PCDH15: variants seen among roughly 807,000 people sequenced by gnomAD.
The protein encoded by PCDH15 is protocadherin-15.
In PCDH15, 129 loss-of-function variants were observed where a neutral mutation model predicts 178.5. That is an observed-to-expected ratio of 0.72 (90% CI 0.63 to 0.84). The LOEUF is 0.84. PCDH15 is among the 40% of genes least tolerant of loss of function. The pLI, the probability that PCDH15 is intolerant of heterozygous loss-of-function variation, is 0.00. For synonymous variants in PCDH15, 800 were observed against 732.0 expected (o/e 1.09, Z -1.50); for missense variants, 2,230 against 2,099.9 (o/e 1.06, Z -1.21).
At chr10:55,513,792 T>C (rs553608492) in intron 2 of PCDH15, among the ~76,000 whole-genome samples, 1 of 152,256 alleles carries the variant, frequency 6.6e-6, no homozygotes, top group Admixed American at 6.5e-5. Flanking sequence ...GCTAACTATA[T>C]ATTAGCACCA....
intron 2 of PCDH15, among the ~76,000 whole-genome samples, chr10:55,336,822 T>C (rs537626625): frequency 2.6e-5 from 4 of 152,338 alleles, no homozygotes; most frequent in African/African-American, 9.6e-5. Context: ...ACTTAAAGCT[T>C]GTACAAAATA....
At chr10:55,150,113 GAAGAGAAGAGGAGAGAAGAC>G (rs997740592) in intron 2 of PCDH15, among the ~76,000 whole-genome samples, 6 of 151,378 alleles carry the variant, frequency 4.0e-5, no homozygotes, top group African/African-American at 1.5e-4. Context: ...CGAGAGGAGA[GAAGAGAAGAGGAGAGAAGAC>G]AAGAGAAGAG....
chr10:54,295,926 C>T (rs1564893473), intron 8 of PCDH15, among the ~76,000 whole-genome samples: 1 of 150,830 alleles, frequency 6.6e-6, no homozygotes, highest in South Asian at 2.1e-4. Flanking sequence ...GGGCGGATCA[C>T]GAGGTCAGGA....
In PCDH15 at chr10:55,104,558, G is replaced by A. The variant is rs878976933; in HGVS notation, c.-80+62018C>T. Among the ~76,000 whole-genome samples the A allele has an allele frequency of 2.0e-5, 3 of 152,088 alleles. No homozygotes were observed. In the South Asian group the frequency reaches 6.2e-4, roughly 31 times the overall value. ...CATTTTCATTACAAGAAAAAAGAAG[G>A]TTATTTCACAAAAAGTACAAGGTTC... On this transcript the variant is annotated intron_variant, in intron 2 of 5. Coordinates refer to the PCDH15 transcript ENST00000458638.
chr10:54,885,658 C>T (rs955007468), intron 3 of PCDH15, among the ~76,000 whole-genome samples: 1 of 151,934 alleles, frequency 6.6e-6, no homozygotes, highest in African/African-American at 2.4e-5. Context: ...CATCTGGACA[C>T]CAAATATGTT....
At chr10:55,350,280 CACACACATACAT>C (rs1844889501) in intron 2 of PCDH15, among the ~76,000 whole-genome samples, 1 of 135,980 alleles carries the variant, frequency 7.4e-6, no homozygotes, top group Non-Finnish European at 1.6e-5. Context: ...CACACACACA[CACACACATACAT>C]ACACACACAA....
At chr10:53,838,995 G>C (rs1289635639) in intron 29 of PCDH15, among the ~76,000 whole-genome samples, 2 of 152,034 alleles carry the variant, frequency 1.3e-5, no homozygotes, top group African/African-American at 4.8e-5. Context: ...ACCAGGTAAG[G>C]AGATCGAGAC....
intron 2 of PCDH15, among the ~76,000 whole-genome samples, chr10:55,532,511 G>T (rs1367002576): frequency 6.6e-6 from 1 of 151,984 alleles, no homozygotes; most frequent in Non-Finnish European, 1.5e-5. Flanking sequence ...AAATAGTTTT[G>T]CTCTTGTTGA....
intron 3 of PCDH15, among the ~76,000 whole-genome samples, chr10:54,875,594 T>C (rs982375125): frequency 1.3e-5 from 2 of 152,214 alleles, no homozygotes; most frequent in East Asian, 1.9e-4. Context: ...ACACATAAAT[T>C]ATAAGAAAGT....
chr10:54,106,118 G>A (rs2094913532), intron 15 of PCDH15, among the ~76,000 whole-genome samples: 1 of 152,166 alleles, frequency 6.6e-6, no homozygotes, highest in Non-Finnish European at 1.5e-5. Context: ...TAGTTGCCTA[G>A]GACTGGTGAC....
intron 8 of PCDH15, among the ~76,000 whole-genome samples, chr10:54,254,877 G>A (rs1052926422): frequency 4.0e-5 from 6 of 151,680 alleles, no homozygotes; most frequent in African/African-American, 1.2e-4. Flanking sequence ...GGAAGCATCT[G>A]CTAAACTTCT....
At position 54,445,392 on chromosome 10, in the gene PCDH15, T is replaced by A. The variant is rs187241150; in HGVS notation, c.158-66450A>T. ...ATCCAATTCCATATCACCAGTTTGCTCCTGAATGTGCAATAAGTTTCCACT... is the reference window on the plus strand; with the variant it reads ...ATCCAATTCCATATCACCAGTTTGCACCTGAATGTGCAATAAGTTTCCACT... On this transcript the variant is annotated intron_variant, in intron 3 of 37. Coordinates refer to ENST00000644397, the MANE Select transcript of PCDH15 (RefSeq NM_001384140.1). Among the ~76,000 whole-genome samples the A allele has an allele frequency of 2.1e-4, 32 of 151,650 alleles. No individual in the cohort carries two copies. In the East Asian group the frequency reaches 5.6e-3, roughly 27 times the overall value.
intron 1 of PCDH15, among the ~76,000 whole-genome samples, chr10:54,690,310 C>T (rs1019960790): frequency 2.4e-5 from 3 of 126,136 alleles, no homozygotes; most frequent in Admixed American, 8.5e-5. Context: ...ACAAGACTAC[C>T]TTTTTTTTTT....
At chr10:54,821,855 G>T (rs1365354033) in intron 3 of PCDH15, among the ~76,000 whole-genome samples, 5 of 151,886 alleles carry the variant, frequency 3.3e-5, no homozygotes, top group Admixed American at 6.6e-5. Flanking sequence ...TTTTATGCCT[G>T]TTTGTTTCTT....
intron 3 of PCDH15, among the ~76,000 whole-genome samples, chr10:54,416,257 C>T (rs1336471978): frequency 6.6e-6 from 1 of 151,928 alleles, no homozygotes; most frequent in African/African-American, 2.4e-5. Context: ...TTGACCCGTC[C>T]TTTAAGTTGC....
chr10:55,453,934 T>C (rs537902162), intron 2 of PCDH15, among the ~76,000 whole-genome samples: 1 of 152,234 alleles, frequency 6.6e-6, no homozygotes, highest in African/African-American at 2.4e-5. Flanking sequence ...TTTCACCCCT[T>C]CACATCAGAA....
chr10:54,585,300 A>G (rs1453889458), intron 2 of PCDH15, among the ~76,000 whole-genome samples: 1 of 152,138 alleles, frequency 6.6e-6, no homozygotes, highest in Non-Finnish European at 1.5e-5. Context: ...GCAATTTCCT[A>G]TGAATTACCG....
chr10:55,056,440 C>T (rs965670270), intron 2 of PCDH15, among the ~76,000 whole-genome samples: 1 of 151,828 alleles, frequency 6.6e-6, no homozygotes, highest in Non-Finnish European at 1.5e-5. Flanking sequence ...TGAAAATCTG[C>T]TTCTCAAAAT....
chr10:55,341,126 G>A (rs942901250), intron 2 of PCDH15, among the ~76,000 whole-genome samples: 20 of 151,656 alleles, frequency 1.3e-4, no homozygotes, highest in African/African-American at 4.6e-4. Context: ...AATAATACAT[G>A]TCAAGATATA....
Sources: gnomAD v4.1 joint callset for allele counts (sites outside exome capture counted in the v4.1 genomes callset) on GRCh38, gnomAD v4.1.1 for gene constraint, MANE v1.5 for transcripts, NCBI Gene and HGNC (gene_info 2026-07-23, HGNC 2026-07-21) for gene names.